The following THTPA variants were observed in gnomAD, a reference collection of about 807,000 sequenced individuals.
THTPA encodes thiamine triphosphatase.
A neutral mutation model predicts 16.5 loss-of-function variants in THTPA; 16 were observed. That is an observed-to-expected ratio of 0.97 (90% CI 0.66 to 1.47). The LOEUF (loss-of-function observed/expected upper bound fraction) is 1.47. Ranked by LOEUF, THTPA falls within the 40% of genes most tolerant of loss-of-function variation. THTPA has a pLI of 0.00. For synonymous variants in THTPA, 110 were observed against 115.5 expected, an observed-to-expected ratio of 0.95 and a Z score of 0.30; for missense variants, 281 against 280.9, an observed-to-expected ratio of 1.00 and a Z score of 0.00.
chr14:23,532,529 T>C, the THTPA span: 48 of 1,429,036 alleles, frequency 3.4e-5, no homozygotes, highest in East Asian at 1.2e-3. Context: ...CCCCATTCCC[T>C]TCTCCTCTTC....
the THTPA span, among the ~76,000 whole-genome samples, chr14:23,542,625 C>A: frequency 6.6e-6 from 1 of 152,184 alleles, no homozygotes; most frequent in Non-Finnish European, 1.5e-5. Flanking sequence ...GCTCGGAACC[C>A]TTCTTCTGTA....
the THTPA span, chr14:23,514,521 C>T: frequency 6.6e-6 from 1 of 152,300 alleles, no homozygotes; most frequent in African/African-American, 2.4e-5. Flanking sequence ...CATTTGGACT[C>T]TCCACTTGAA....
chr14:23,536,219 G>C, the THTPA span, among the ~76,000 whole-genome samples: 1 of 152,152 alleles, frequency 6.6e-6, no homozygotes, highest in Non-Finnish European at 1.5e-5. Context: ...TCTCCATCCA[G>C]CAGCCAGAAT....
the THTPA span, among the ~76,000 whole-genome samples, chr14:23,536,122 A>C: frequency 6.6e-6 from 1 of 152,208 alleles, no homozygotes; most frequent in Admixed American, 6.5e-5. Context: ...CACAGAAGGC[A>C]GGCCATTATC....
chr14:23,551,055 T>A (rs1261622938), upstream of THTPA, among the ~76,000 whole-genome samples: 7 of 151,926 alleles, frequency 4.6e-5, no homozygotes, highest in Non-Finnish European at 1.0e-4. This position sits in a 1 kb window ranked among gnomAD's most constrained non-coding sequence, Gnocchi z 5.3. Flanking sequence ...CCTCTGCCTT[T>A]CCCGTTCCCG....
At chr14:23,515,004 G>A in the THTPA span, among the ~76,000 whole-genome samples, 1 of 152,234 alleles carries the variant, frequency 6.6e-6, no homozygotes, top group South Asian at 2.1e-4. Flanking sequence ...AAGCACAGAG[G>A]GACAGGCTAG....
At chr14:23,526,795 C>G in the THTPA span, 2 of 1,523,652 alleles carry the variant, frequency 1.3e-6, no homozygotes. Flanking sequence ...CTTGTTGGCC[C>G]ATGGAGTCCC....
the THTPA span, chr14:23,532,450 T>C: frequency 7.8e-7 from 1 of 1,282,146 alleles, no homozygotes; most frequent in African/African-American, 1.5e-5. Context: ...TGGTGCATAC[T>C]TTCCTTTTTC....
chr14:23,534,503 G>A, the THTPA span: 3 of 1,536,220 alleles, frequency 2.0e-6, no homozygotes, highest in Non-Finnish European at 2.6e-6. This position sits in a 1 kb window ranked among gnomAD's most constrained non-coding sequence, Gnocchi z 4.5. Context: ...AGTACAGCTG[G>A]GCTACCTGAC....
chr14:23,530,099 G>T, the THTPA span: 9 of 1,532,554 alleles, frequency 5.9e-6, no homozygotes, highest in Non-Finnish European at 7.9e-6. Flanking sequence ...GAGGACTGGG[G>T]GGAAGGGAGG....
chr14:23,536,904 G>A, the THTPA span, among the ~76,000 whole-genome samples: 1 of 152,148 alleles, frequency 6.6e-6, no homozygotes, highest in East Asian at 1.9e-4. Context: ...TTGGGAGGCC[G>A]AGGCAGGCAG....
chr14:23,517,730 G>C, the THTPA span, among the ~76,000 whole-genome samples: 1 of 152,176 alleles, frequency 6.6e-6, no homozygotes, highest in South Asian at 2.1e-4. Context: ...ACTGCGAGGA[G>C]GGGAGTGGAC....
chr14:23,536,462 T>C, the THTPA span, among the ~76,000 whole-genome samples: 2 of 152,204 alleles, frequency 1.3e-5, no homozygotes, highest in Non-Finnish European at 1.5e-5. Flanking sequence ...GTGGAACAGA[T>C]GGGAGCTTCT....
the THTPA span, among the ~76,000 whole-genome samples, chr14:23,546,251 TC>T: frequency 6.6e-6 from 1 of 152,192 alleles, no homozygotes; most frequent in African/African-American, 2.4e-5. The surrounding 1 kb of genome is among the most constrained non-coding windows in gnomAD (Gnocchi z 4.7). Flanking sequence ...CAGTTGATGG[TC>T]CTGCTGGGAA....
intron 1 of THTPA, among the ~76,000 whole-genome samples, chr14:23,558,398 G>A (rs1410044368): frequency 6.6e-6 from 1 of 152,244 alleles, no homozygotes; most frequent in African/African-American, 2.4e-5. Context: ...AGCTGACGCT[G>A]AGGCATCCTT....
chr14:23,532,517 G>A, the THTPA span: 12 of 1,421,274 alleles, frequency 8.4e-6, no homozygotes, highest in Non-Finnish European at 1.0e-5. Flanking sequence ...TCCTCCCTCT[G>A]TCCCCATTCC....
At chr14:23,512,773 T>C in the THTPA span, 1 of 150,846 alleles carries the variant, frequency 6.6e-6, no homozygotes, top group Non-Finnish European at 1.5e-5. Flanking sequence ...TATATATATA[T>C]ATTTTAAATT....
At chr14:23,522,905 G>A in the THTPA span, 3 of 1,469,866 alleles carry the variant, frequency 2.0e-6, no homozygotes, top group Non-Finnish European at 2.7e-6. Flanking sequence ...CAGGACCGAA[G>A]TGGCGAGGCC....
the THTPA span, among the ~76,000 whole-genome samples, chr14:23,549,987 G>A: frequency 3.5e-3 from 535 of 152,292 alleles, 4 homozygotes; most frequent in African/African-American, 0.012. Context: ...GAGCTCATGG[G>A]AAACAGATGG....
Sources: allele counts gnomAD v4.1 joint callset (sites outside exome capture counted in the v4.1 genomes callset), GRCh38; gene constraint gnomAD v4.1.1; non-coding constraint Gnocchi (gnomAD v3.1); transcripts MANE v1.5; gene names NCBI Gene and HGNC (gene_info 2026-07-23, HGNC 2026-07-21).